MYH13: variants seen among roughly 807,000 people sequenced by gnomAD.
MYH13 encodes myosin heavy chain 13, also known as myosin-13.
MYH13 carries 177 observed loss-of-function variants against 232.1 expected under a neutral mutation model. The ratio of observed to expected loss-of-function variants is 0.76; its 90% CI spans 0.67 to 0.86. MYH13 has a LOEUF of 0.86. Ranked by LOEUF, MYH13 falls within the 40% of genes least tolerant of loss-of-function variation. The pLI is 0.00. For synonymous variants in MYH13, 884 were observed against 923.5 expected, an observed-to-expected ratio of 0.96 and a Z score of 0.78; for missense variants, 2,246 against 2,405.9, an observed-to-expected ratio of 0.93 and a Z score of 1.39.
At chr17:10,339,545 C>T (rs1451893088) in intron 18 of MYH13, among the ~76,000 whole-genome samples, 1 of 152,122 alleles carries the variant, frequency 6.6e-6, no homozygotes, top group African/African-American at 2.4e-5. Context: ...ATGGGATACC[C>T]AAGATGATTA....
chr17:10,328,180 CA>C (rs989669319), intron 21 of MYH13, 59 bp from the exon 22 acceptor site: 14 of 1,584,100 alleles, frequency 8.8e-6, no homozygotes, highest in East Asian at 2.3e-5. Context: ...TCTGCACCCC[CA>C]ACCTGTCCCC....
intron 32 of MYH13, 100 bp downstream of exon 32, chr17:10,311,811 A>C: frequency 7.4e-7 from 1 of 1,348,786 alleles, no homozygotes; most frequent in Non-Finnish European, 1.0e-6. Context: ...CGTGTGGGGC[A>C]GTGGGAAGGA....
At position 10,354,989 on chromosome 17, in the gene MYH13, C is replaced by T; in HGVS notation, c.807G>A (p.Leu269=). The change falls in exon 10 of 41, where the codon CTG becomes CTA. Residue 269 remains leucine, a synonymous_variant. Transcript: ENST00000252172. The stretch of plus-strand genomic sequence containing the variant: ...GAAACGTCACTCTGGATTTTTCTAA[C>T]AGATCTAAGGTAACAAAAATAACGT... ...KLASADIETY[L]LEKSRVTFQL... 1 of 1,610,204 alleles carries T rather than the reference C, an allele frequency of 6.2e-7. No individual in the cohort carries two copies. The highest frequency in any genetic ancestry group is 1.3e-5 in the African/African-American group (1 of 74,910).
In MYH13 at chr17:10,324,276, A is replaced by G. The variant is rs1421851234; in HGVS notation, c.2692-12T>C. 1.2e-6 allele frequency: 2 copies of G among 1,612,436 alleles called. No individual in the cohort carries two copies. The highest frequency in any genetic ancestry group is 8.5e-7 in the Non-Finnish European group (1 of 1,179,432). On this transcript the variant is annotated splice_polypyrimidine_tract_variant and intron_variant, in intron 22 of 40. Coordinates refer to ENST00000252172, the MANE Select transcript of MYH13 (RefSeq NM_003802.3). ...AGATTTTCTGTTTCCTGAAAGAACC[A>G]GGTCATTTTATGTTTTGATTGGCCT...
chr17:10,355,058 C>T (rs1019839107), intron 9 of MYH13, 26 bp downstream of exon 9: 3 of 1,608,600 alleles, frequency 1.9e-6, no homozygotes, highest in South Asian at 1.1e-5. Flanking sequence ...AAAACACCAA[C>T]GGATTTATAG....
intron 18 of MYH13, 145 bp downstream of exon 18, chr17:10,340,005 C>A (rs2071608703): frequency 1.5e-6 from 1 of 680,138 alleles, no homozygotes. Context: ...TTTTTATCTG[C>A]TAAATCTGGC....
rs1369227582 is a variant in MYH13 at position 10,327,873 on chromosome 17, A to G, written c.2684T>C (p.Val895Ala). The change falls in exon 22 of 41, where the codon GTC becomes GCC. Residue 895 changes from valine to alanine, a missense_variant. Coordinates refer to ENST00000252172, the MANE Select transcript of MYH13 (RefSeq NM_003802.3). ...CAAGTAGAAGGTACTTACAGACTGG[A>G]CCTGCAATTGGAGGTCATTCTTCTC... The part of the protein sequence containing the change: ...LQEKNDLQLQ[V>A]QSETENLMDA... 6.2e-7 allele frequency: 1 copy of G among 1,612,444 alleles called. No individual in the cohort carries two copies.
intron 2 of MYH13, among the ~76,000 whole-genome samples, chr17:10,370,630 T>C (rs2071870824): frequency 6.6e-6 from 1 of 152,142 alleles, no homozygotes; most frequent in South Asian, 2.1e-4. Context: ...CTTTCATCCC[T>C]CTCCTGGGAA....
At chr17:10,324,579 G>C (rs531579334) in intron 22 of MYH13, among the ~76,000 whole-genome samples, 42 of 151,954 alleles carry the variant, frequency 2.8e-4, no homozygotes, top group African/African-American at 9.4e-4. Flanking sequence ...CGAGTTGCTG[G>C]GATTACAGGC....
At chr17:10,352,625 G>T (rs935357069) in intron 11 of MYH13, among the ~76,000 whole-genome samples, 1 of 152,044 alleles carries the variant, frequency 6.6e-6, no homozygotes, top group East Asian at 1.9e-4. Context: ...AAAAGGCTCC[G>T]TGAGAGGAAG....
intron 11 of MYH13, chr17:10,350,901 G>A (rs2071705280): frequency 3.2e-6 from 2 of 628,466 alleles, no homozygotes; most frequent in Non-Finnish European, 5.7e-6. Context: ...AAAAAGATGT[G>A]AATTGTCTGT....
At chr17:10,320,108 CT>C in intron 26 of MYH13, 44 bp downstream of exon 26, 2 of 1,475,476 alleles carry the variant, frequency 1.4e-6, no homozygotes, top group Non-Finnish European at 1.9e-6. Flanking sequence ...GAGGGGCGCT[CT>C]TGCAAAGGGA....
At chr17:10,329,286 G>A (rs934861860) in intron 21 of MYH13, among the ~76,000 whole-genome samples, 2 of 152,104 alleles carry the variant, frequency 1.3e-5, no homozygotes, top group Admixed American at 6.5e-5. Flanking sequence ...TCCAATCCCT[G>A]CAGGTGACTA....
At chr17:10,312,178 C>A in intron 31 of MYH13, 102 bp from the exon 32 acceptor site, 1 of 1,319,424 alleles carries the variant, frequency 7.6e-7, no homozygotes, top group Non-Finnish European at 1.0e-6. Context: ...TTTGCCCTTC[C>A]ATCCTTAGGG....
intron 2 of MYH13, among the ~76,000 whole-genome samples, chr17:10,365,634 G>A (rs1442404713): frequency 6.6e-6 from 1 of 152,176 alleles, no homozygotes; most frequent in Non-Finnish European, 1.5e-5. Flanking sequence ...ACTTCATTAA[G>A]AAATGCAGAA....
At chr17:10,318,745 T>A (rs1373217640) in intron 27 of MYH13, 45 bp downstream of exon 27, 18 of 1,607,278 alleles carry the variant, frequency 1.1e-5, no homozygotes, top group African/African-American at 2.7e-5. Context: ...CAGGTGGCCG[T>A]CGGCTGCCTT....
At chr17:10,323,786 AAAAGAAGAAGAAGAAGAAG>A (rs1907082830) in intron 23 of MYH13, among the ~76,000 whole-genome samples, 1 of 54,718 alleles carries the variant, frequency 1.8e-5, no homozygotes, top group African/African-American at 4.8e-5. Flanking sequence ...AAAAAAAAAA[AAAAGAAGAAGAAGAAGAAG>A]AAGAAGAAGA....
chr17:10,309,701 G>T lies in MYH13; in HGVS notation c.4786C>A (p.Arg1596=), dbSNP rs199949513. Residue 1596 remains arginine (R), a synonymous_variant, in exon 34 of 41, where the codon CGG becomes AGG. Coordinates refer to ENST00000252172, the MANE Select transcript of MYH13 (RefSeq NM_003802.3). ...EIEQLKRNSQ[R]AAEALQSVLD... is the part of the protein sequence containing the mutation. ...ACGCTCTGCAGGGCCTCTGCTGCCC[G>T]CTGGCTGTTTCTTTTTAGCTGCTCG... The T allele has an allele frequency of 8.7e-6, 14 of 1,606,702 alleles. No individual in the cohort carries two copies. The East Asian group carries it at 2.9e-4, about 33-fold the overall frequency.
intron 8 of MYH13, among the ~76,000 whole-genome samples, chr17:10,355,369 T>C (rs778719569): frequency 9.9e-5 from 15 of 152,214 alleles, no homozygotes; most frequent in Non-Finnish European, 1.8e-4. Flanking sequence ...GAGCCCTTGA[T>C]GTCTGAGATC....
Sources: gnomAD v4.1 joint callset for allele counts (sites outside exome capture counted in the v4.1 genomes callset) on GRCh38, gnomAD v4.1.1 for gene constraint, MANE v1.5 for transcripts, NCBI Gene and HGNC (gene_info 2026-07-23, HGNC 2026-07-21) for gene names.